The following CCDC171 variants were observed in gnomAD, a reference collection of about 807,000 sequenced individuals.
CCDC171 encodes coiled-coil domain-containing protein 171.
In CCDC171, 177 loss-of-function variants were observed where a neutral mutation model predicts 168.2. That is an observed-to-expected ratio of 1.05 (90% CI 0.93 to 1.19). The LOEUF (loss-of-function observed/expected upper bound fraction) is 1.19, where lower values mean the gene tolerates loss of function less well. CCDC171 is among the 50% of genes most tolerant of loss of function. The pLI is 0.00. For synonymous variants in CCDC171, 687 were observed against 540.8 expected (o/e 1.27, Z -3.75); for missense variants, 1,991 against 1,539.0 (o/e 1.29, Z -4.91).
intron 16 of CCDC171, among the ~76,000 whole-genome samples, chr9:15,736,088 T>G (rs1456774929): frequency 1.3e-5 from 2 of 152,108 alleles, no homozygotes; most frequent in African/African-American, 4.8e-5. Flanking sequence ...CTGATACTAC[T>G]TACTTGTGTA....
chr9:15,796,558 A>T (rs9919009), intron 21 of CCDC171, among the ~76,000 whole-genome samples: 143,695 of 152,320 alleles, frequency 0.94, 67,847 homozygotes, highest in East Asian at 1. Flanking sequence ...ATGTACACTT[A>T]AAATATATAT....
chr9:15,913,121 C>A (rs899174096), intron 24 of CCDC171, among the ~76,000 whole-genome samples: 2 of 152,190 alleles, frequency 1.3e-5, no homozygotes, highest in African/African-American at 4.8e-5. Context: ...TGGTCCAGCT[C>A]CTTTTTGTAC....
chr9:15,777,187 T>C (rs1302483541), intron 18 of CCDC171, among the ~76,000 whole-genome samples: 3 of 152,232 alleles, frequency 2.0e-5, no homozygotes, highest in Non-Finnish European at 4.4e-5. Flanking sequence ...GTAATTGTAG[T>C]TGTAAAATTT....
chr9:15,672,836 G>A (rs549862952), intron 9 of CCDC171, among the ~76,000 whole-genome samples: 10 of 152,276 alleles, frequency 6.6e-5, no homozygotes, highest in African/African-American at 2.2e-4. Flanking sequence ...TTGGCAATGT[G>A]GGCTCTTTTT....
At chr9:16,046,222 A>C (rs892839398) in intron 1 of CCDC171, among the ~76,000 whole-genome samples, 5 of 152,184 alleles carry the variant, frequency 3.3e-5, no homozygotes, top group East Asian at 3.9e-4. Flanking sequence ...GCTCCAACAC[A>C]TGGATGGATG....
the CCDC171 span, among the ~76,000 whole-genome samples, chr9:16,080,995 C>G: frequency 6.6e-6 from 1 of 152,152 alleles, no homozygotes; most frequent in Non-Finnish European, 1.5e-5. Context: ...GCAGCCGTCT[C>G]TCTTGCGGAA....
intron 25 of CCDC171, among the ~76,000 whole-genome samples, chr9:15,961,598 C>T (rs1018563630): frequency 6.6e-6 from 1 of 152,088 alleles, no homozygotes; most frequent in Non-Finnish European, 1.5e-5. Context: ...TTTGCTTGAT[C>T]AAAATCTTTT....
chr9:15,841,197 CTTT>C (rs1437206479), intron 21 of CCDC171, among the ~76,000 whole-genome samples: 1 of 151,970 alleles, frequency 6.6e-6, no homozygotes, highest in East Asian at 1.9e-4. Flanking sequence ...TTACACTCTT[CTTT>C]GTTAATTTCC....
At chr9:15,570,109 A>T (rs993984203) in intron 2 of CCDC171, among the ~76,000 whole-genome samples, 3 of 152,006 alleles carry the variant, frequency 2.0e-5, no homozygotes, top group Non-Finnish European at 4.4e-5. Context: ...AGCTGGGATT[A>T]CAAGCATGAG....
At chr9:15,665,041 A>G (rs1270291841) in intron 8 of CCDC171, among the ~76,000 whole-genome samples, 2 of 152,142 alleles carry the variant, frequency 1.3e-5, no homozygotes, top group Non-Finnish European at 2.9e-5. Context: ...CCACATACCC[A>G]TCGCCCAGCT....
intron 24 of CCDC171, among the ~76,000 whole-genome samples, chr9:15,883,766 C>A (rs1258504617): frequency 6.6e-6 from 1 of 152,110 alleles, no homozygotes; most frequent in East Asian, 1.9e-4. Flanking sequence ...CTGATCTGAA[C>A]TGAGATTAAG....
At chr9:16,027,625 G>T (rs1246801087) in intron 6 of CCDC171, among the ~76,000 whole-genome samples, 1 of 152,174 alleles carries the variant, frequency 6.6e-6, no homozygotes, top group Non-Finnish European at 1.5e-5. Flanking sequence ...TGCAGTCCAG[G>T]CTGATTCCCT....
intron 21 of CCDC171, among the ~76,000 whole-genome samples, chr9:15,839,136 T>G (rs1460596392): frequency 6.6e-6 from 1 of 152,176 alleles, no homozygotes; most frequent in Non-Finnish European, 1.5e-5. Flanking sequence ...ATTTAATAAG[T>G]GATGACAGTG....
chr9:15,584,624 C>G (rs1428167924), intron 4 of CCDC171, among the ~76,000 whole-genome samples: 2 of 152,126 alleles, frequency 1.3e-5, no homozygotes, highest in Non-Finnish European at 2.9e-5. Context: ...GAGAGGCGAC[C>G]TTTCTAGATT....
intron 8 of CCDC171, among the ~76,000 whole-genome samples, chr9:15,658,933 G>A (rs1424462066): frequency 6.6e-6 from 1 of 152,154 alleles, no homozygotes; most frequent in Admixed American, 6.6e-5. Context: ...GACAAACTGA[G>A]AATGCATGAT....
chr9:15,650,006 C>T (rs2047378980), intron 7 of CCDC171, among the ~76,000 whole-genome samples: 1 of 152,124 alleles, frequency 6.6e-6, no homozygotes, highest in African/African-American at 2.4e-5. Context: ...ACCCAAATGT[C>T]CAACCATGAT....
chr9:15,623,873 C>T (rs1470999123), intron 7 of CCDC171, among the ~76,000 whole-genome samples: 1 of 152,120 alleles, frequency 6.6e-6, no homozygotes, highest in Non-Finnish European at 1.5e-5. Context: ...AAAGGAGCAT[C>T]AATTTACAGA....
chr9:15,559,377 T>C (rs144568622), intron 1 of CCDC171, among the ~76,000 whole-genome samples: 2 of 152,270 alleles, frequency 1.3e-5, no homozygotes, highest in African/African-American at 4.8e-5. Context: ...TAAGTCTCTT[T>C]GTAGGTCTCT....
intron 25 of CCDC171, among the ~76,000 whole-genome samples, chr9:15,961,391 C>T (rs927146225): frequency 4.6e-5 from 7 of 152,114 alleles, no homozygotes; most frequent in Non-Finnish European, 8.8e-5. Flanking sequence ...CCACAGAAGT[C>T]GTAATTTGGC....
Sources: allele counts gnomAD v4.1 joint callset (sites outside exome capture counted in the v4.1 genomes callset), GRCh38; gene constraint gnomAD v4.1.1; transcripts MANE v1.5; gene names NCBI Gene and HGNC (gene_info 2026-07-23, HGNC 2026-07-21).